Variants in DMD observed in about 807,000 individuals in gnomAD.
The protein encoded by DMD is mutant dystrophin.
Under a neutral mutation model 330.1 loss-of-function variants are expected in DMD, and 63 were observed. That is an observed-to-expected ratio of 0.19 (90% CI 0.16 to 0.24). DMD has a LOEUF of 0.24. Ranked by LOEUF, DMD falls within the 10% of genes least tolerant of loss-of-function variation. The pLI is 1.00. For missense variants in DMD, 3,344 were observed against 2,684.1 expected (o/e 1.25, Z -5.43); for synonymous variants, 1,223 against 959.8 (o/e 1.27, Z -5.07).
intron 23 of DMD, among the ~76,000 whole-genome samples, chrX:32,465,211 T>C (rs529574401): frequency 7.9e-4 from 89 of 112,178 alleles, no homozygotes; most frequent in Non-Finnish European, 1.1e-3. Flanking sequence ...TGCTTTTATT[T>C]GTCTGACCAG....
intron 55 of DMD, among the ~76,000 whole-genome samples, chrX:31,526,951 A>C (rs945651112): frequency 5.4e-5 from 6 of 111,702 alleles, no homozygotes; most frequent in African/African-American, 2.0e-4. Context: ...TTCTACAGAA[A>C]ATACAAAAAG....
At chrX:32,870,101 A>G (rs756426163) in intron 2 of DMD, among the ~76,000 whole-genome samples, 85 of 112,091 alleles carry the variant, frequency 7.6e-4, no homozygotes, top group African/African-American at 2.6e-3. Flanking sequence ...GCAAAGTCTC[A>G]GGATACAAAA....
intron 37 of DMD, among the ~76,000 whole-genome samples, chrX:32,359,096 T>A (rs1393189036): frequency 9.0e-6 from 1 of 111,402 alleles, no homozygotes. Context: ...AGTTAAGGAC[T>A]TTTTGCTCTC....
chrX:31,888,028 T>C (rs928186058), intron 47 of DMD, among the ~76,000 whole-genome samples: 1 of 111,958 alleles, frequency 8.9e-6, no homozygotes, highest in East Asian at 2.8e-4. Context: ...TTTTAGGCTA[T>C]GTGTGAATAT....
chrX:32,674,076 T>C (rs1227025406), intron 9 of DMD, among the ~76,000 whole-genome samples: 1 of 112,088 alleles, frequency 8.9e-6, no homozygotes, highest in East Asian at 2.8e-4. Context: ...GATATCATGA[T>C]GAAGACAAGT....
chrX:33,077,758 T>A (rs1344859567), intron 1 of DMD, among the ~76,000 whole-genome samples: 1 of 112,139 alleles, frequency 8.9e-6, no homozygotes, highest in Non-Finnish European at 1.9e-5. Context: ...ATCATTAGTT[T>A]GGGAACTTCT....
chrX:31,776,801 G>T (rs903760057), intron 50 of DMD, among the ~76,000 whole-genome samples: 2 of 112,131 alleles, frequency 1.8e-5, no homozygotes, highest in Admixed American at 9.4e-5. Context: ...GACTAAATAT[G>T]CCATTGGGAT....
At chrX:31,292,531 C>G (rs2053778030) in intron 62 of DMD, among the ~76,000 whole-genome samples, 1 of 111,815 alleles carries the variant, frequency 8.9e-6, no homozygotes, top group Admixed American at 9.5e-5. Context: ...ACTGGTACAA[C>G]CACTTTGGAA....
At chrX:32,842,901 G>A (rs903968033) in intron 4 of DMD, among the ~76,000 whole-genome samples, 9 of 111,169 alleles carry the variant, frequency 8.1e-5, no homozygotes, top group African/African-American at 2.9e-4. Context: ...TCAGCCTCTG[G>A]GTTCAAGCAA....
intron 9 of DMD, among the ~76,000 whole-genome samples, chrX:32,646,292 G>A (rs1278627091): frequency 9.0e-6 from 1 of 111,461 alleles, no homozygotes; most frequent in Non-Finnish European, 1.9e-5. Context: ...TAAGTTTGCA[G>A]GAGGTTTTGC....
In DMD at chrX:31,972,994, G is replaced by GA. The variant is rs775888944; in HGVS notation, c.6439-4481dup. On this transcript the variant is annotated intron_variant, in intron 44 of 78. Coordinates refer to ENST00000357033, the MANE Select transcript of DMD (RefSeq NM_004006.3). The stretch of plus-strand genomic sequence containing the variant: ...AGTTAACCAGTCATGCTAATTATTA[G>GA]AAAATATAGCCAATACTGTTTTCAG... 1.8e-3 allele frequency among the ~76,000 whole-genome samples: 199 copies of GA among 111,949 alleles called. 1 individual carries two copies. The highest frequency in any genetic ancestry group is 5.7e-3 in the African/African-American group (176 of 30,857).
At chrX:32,147,694 A>G (rs2096784491) in intron 44 of DMD, among the ~76,000 whole-genome samples, 1 of 110,765 alleles carries the variant, frequency 9.0e-6, no homozygotes, top group African/African-American at 3.3e-5. Flanking sequence ...TAGCATAGAA[A>G]AAGCAGCCAG....
intron 7 of DMD, among the ~76,000 whole-genome samples, chrX:32,742,859 G>A (rs1229590204): frequency 8.9e-6 from 1 of 111,801 alleles, no homozygotes; most frequent in East Asian, 2.8e-4. Flanking sequence ...AATCCTCACT[G>A]CAATCCTACG....
chrX:32,162,213 A>T (rs1299421590), intron 44 of DMD, among the ~76,000 whole-genome samples: 4 of 111,369 alleles, frequency 3.6e-5, no homozygotes. Context: ...CAATGTGAAG[A>T]ATGAAAGCAG....
intron 30 of DMD, among the ~76,000 whole-genome samples, chrX:32,396,522 T>G (rs2098045208): frequency 9.0e-6 from 1 of 111,300 alleles, no homozygotes; most frequent in African/African-American, 3.3e-5. Context: ...GATGAACATG[T>G]GTCTATACCA....
At chrX:31,878,615 G>C (rs925917223) in intron 47 of DMD, among the ~76,000 whole-genome samples, 3 of 112,123 alleles carry the variant, frequency 2.7e-5, no homozygotes, top group African/African-American at 9.7e-5. Context: ...AAATGCTTGT[G>C]ACTCATGTCT....
At chrX:32,821,150 A>T (rs183962841) in intron 5 of DMD, among the ~76,000 whole-genome samples, 9 of 111,296 alleles carry the variant, frequency 8.1e-5, no homozygotes, top group Non-Finnish European at 1.7e-4. Flanking sequence ...TACTGTTGTG[A>T]AGTAGCATTA....
intron 55 of DMD, among the ~76,000 whole-genome samples, chrX:31,568,831 T>A (rs1396144351): frequency 9.0e-6 from 1 of 111,584 alleles, no homozygotes; most frequent in Non-Finnish European, 1.9e-5. Flanking sequence ...TTCTCATTCT[T>A]CTCTTTCTTT....
At chrX:32,619,562 G>A (rs1449952888) in intron 11 of DMD, among the ~76,000 whole-genome samples, 1 of 111,832 alleles carries the variant, frequency 8.9e-6, no homozygotes, top group African/African-American at 3.2e-5. Context: ...TGTACATGAT[G>A]AATATACAAT....
Sources: gnomAD v4.1 joint callset for allele counts (sites outside exome capture counted in the v4.1 genomes callset) on GRCh38, gnomAD v4.1.1 for gene constraint, MANE v1.5 for transcripts, NCBI Gene and HGNC (gene_info 2026-07-23, HGNC 2026-07-21) for gene names.